The following LAMA5 variants were observed in gnomAD, a reference collection of about 807,000 sequenced individuals.
LAMA5 encodes the protein laminin subunit alpha-5.
A neutral mutation model predicts 433.4 loss-of-function variants in LAMA5; 260 were observed. That is an observed-to-expected ratio of 0.60 (90% CI 0.54 to 0.66). LAMA5 has a LOEUF of 0.66. Ranked by LOEUF, LAMA5 falls within the 30% of genes least tolerant of loss-of-function variation. LAMA5 has a pLI of 0.00. For synonymous variants in LAMA5, 2,620 were observed against 2,226.6 expected, an observed-to-expected ratio of 1.18 and a Z score of -4.97; for missense variants, 5,378 against 5,258.5, an observed-to-expected ratio of 1.02 and a Z score of -0.70.
chr20:62,338,838 A>G (rs978103695), intron 11 of LAMA5, among the ~76,000 whole-genome samples: 4 of 152,208 alleles, frequency 2.6e-5, no homozygotes, highest in African/African-American at 7.2e-5. Flanking sequence ...AGAGTTCGAG[A>G]CCAGCCTGAC....
chr20:62,317,662 C>T lies in LAMA5; in HGVS notation c.7356G>A (p.Glu2452=). ...RLLHSLDQAK[E]ELERLAASLD... ...GACAGGGGCCAGGGGCTGCACTCAC[C>T]TCCTTAGCCTGGTCCAGGCTGTGCA... Residue 2452 remains glutamate (E), a splice_region_variant and synonymous_variant, in exon 54 of 80, where the codon GAG becomes GAA. Transcript: ENST00000252999. 1 of 1,573,110 alleles carries T rather than the reference C, an allele frequency of 6.4e-7. No homozygotes were observed. The highest frequency in any genetic ancestry group is 8.6e-7 in the Non-Finnish European group (1 of 1,160,398).
At position 62,346,724 on chromosome 20, in the gene LAMA5, C is replaced by G. The variant is rs1983435394; in HGVS notation, c.1149G>C (p.Leu383=). 6.2e-7 allele frequency: 1 copy of G among 1,613,220 alleles called. No individual in the cohort carries two copies. Residue 383 remains leucine (L), a synonymous_variant, in exon 8 of 80, where the codon CTG becomes CTC. Coordinates refer to ENST00000252999, the MANE Select transcript of LAMA5 (RefSeq NM_005560.6). The part of the protein sequence containing the change: ...EVDRRRASQS[L]DGTYQGGGVC... ...CACCCCCACCCTGATAGGTGCCATC[C>G]AGGCTCTGGCTGGCGCGGCGCCGGT...
At position 62,338,284 on chromosome 20, in the gene LAMA5, C is replaced by G. The variant is rs142650915; in HGVS notation, c.1704G>C (p.Gly568=). ...CGGGGGCACAGCGATCACATGTGGCCCCCTCGAAGCCCACTCGGCACCTGC... is the reference window on the plus strand; with the variant it reads ...CGGGGGCACAGCGATCACATGTGGCGCCCTCGAAGCCCACTCGGCACCTGC... ...GQCRCRVGFE[G]ATCDRCAPGY... is the part of the protein sequence containing the mutation. The change falls in exon 13 of 80, where the codon GGG becomes GGC. Residue 568 remains glycine (G), a synonymous_variant. Coordinates refer to ENST00000252999, the MANE Select transcript of LAMA5 (RefSeq NM_005560.6). The G allele has an allele frequency of 8.7e-6, 14 of 1,602,240 alleles. No individual in the cohort carries two copies. Among genetic ancestry groups the G allele is most frequent in the Non-Finnish European group, 8.5e-6 (10 of 1,174,760 alleles).
intron 70 of LAMA5, 32 bp from the exon 71 acceptor site, chr20:62,311,816 T>TGGCCCCCCCCCCCCCC: frequency 2.0e-6 from 3 of 1,520,980 alleles, no homozygotes; most frequent in Non-Finnish European, 2.7e-6. Context: ...GCTCGGTTTT[T>TGGCCCCCCCCCCCCCC]CCCCACCCTG....
chr20:62,328,717 TG>T, intron 34 of LAMA5, 126 bp downstream of exon 34: 1 of 965,936 alleles, frequency 1.0e-6, no homozygotes, highest in Non-Finnish European at 1.5e-6. Flanking sequence ...GGCCCGCAGA[TG>T]GGGCAGCAAT....
chr20:62,329,651 C>A, intron 32 of LAMA5, 126 bp downstream of exon 32: 1 of 1,252,490 alleles, frequency 8.0e-7, no homozygotes, highest in East Asian at 2.5e-5. Context: ...GCAGGAGCTG[C>A]TTTGCTGGGC....
At chr20:62,337,046 G>A (rs879172453) in intron 16 of LAMA5, 11 of 659,160 alleles carry the variant, frequency 1.7e-5, no homozygotes, top group South Asian at 6.0e-5. Flanking sequence ...CATTCCACAC[G>A]CAGTGTGTGA....
Position 62,359,936 on chromosome 20 carries a change from GC to G in LAMA5, c.450+2463del, listed in dbSNP as rs1348868207. Among the ~76,000 whole-genome samples the G allele has an allele frequency of 1.3e-5, 2 of 150,496 alleles. No homozygotes were observed. The highest frequency in any genetic ancestry group is 3.0e-5 in the Non-Finnish European group (2 of 67,596). On this transcript the variant is annotated intron_variant, in intron 2 of 79. Transcript: ENST00000252999. This position sits in a 1 kb window ranked among gnomAD's most constrained non-coding sequence, Gnocchi z 4.3. The stretch of plus-strand genomic sequence containing the variant: ...GCCTTCCCGATGCCCAGTGCCAGCC[GC>G]CCCCACCCCCGTCCCAGGGCATCCG...
chr20:62,311,990 C>T lies in LAMA5; in HGVS notation c.9565G>A (p.Glu3189Lys), dbSNP rs750305016. The T allele has an allele frequency of 3.2e-5, 52 of 1,612,752 alleles. No homozygotes were observed. In the African/African-American group the frequency reaches 6.3e-4, roughly 19 times the overall value. ...GCGAAGCCCGCTTGAGTTTTCACTT[C>T]AGTCCTCAGGAGCTGTAGGCTCACA... ...GRVSLQLLRTEVKTQAGFADG... is the reference protein window; with the variant it reads ...GRVSLQLLRTKVKTQAGFADG... Residue 3189 changes from glutamate to lysine, a missense_variant, in exon 70 of 80, where the codon GAA becomes AAA. By Grantham distance (56) the Glu-to-Lys change is moderately conservative (BLOSUM62 1). Coordinates refer to ENST00000252999, the MANE Select transcript of LAMA5 (RefSeq NM_005560.6).
chr20:62,312,763 C>T lies in LAMA5; in HGVS notation c.9096G>A (p.Leu3032=). The part of the protein sequence containing the change: ...SASKAIQVFL[L]GGSRKRVLVR... ...CCAGCACACGCTTGCGGCTGCCCCC[C>T]AGCAGGAACACCTGGATCTACAGGA... Residue 3032 remains leucine, a synonymous_variant, in exon 67 of 80, where the codon CTG becomes CTA. Transcript: ENST00000252999. 1.9e-6 allele frequency: 3 copies of T among 1,589,880 alleles called. No homozygotes were observed. The highest frequency in any genetic ancestry group is 2.6e-6 in the Non-Finnish European group (3 of 1,170,496).
intron 48 of LAMA5, among the ~76,000 whole-genome samples, chr20:62,321,655 G>A (rs1350653717): frequency 2.7e-5 from 3 of 112,402 alleles, no homozygotes; most frequent in Non-Finnish European, 3.7e-5. Flanking sequence ...TGGAAGAGGT[G>A]GGGCCAATGG....
At chr20:62,319,363 C>T (rs1440630127) in intron 51 of LAMA5, among the ~76,000 whole-genome samples, 1 of 151,908 alleles carries the variant, frequency 6.6e-6, no homozygotes, top group African/African-American at 2.4e-5. Context: ...TCCTGTTAGG[C>T]AGGCTCAGGG....
chr20:62,362,565 C>G lies in LAMA5; in HGVS notation c.298-13G>C. On this transcript the variant is annotated splice_polypyrimidine_tract_variant and intron_variant, in intron 1 of 79. Coordinates refer to ENST00000252999, the MANE Select transcript of LAMA5 (RefSeq NM_005560.6). ...CACAGTACTGGCCCTGCAGAGGGAA[C>G]GGGAGGGTCAGATAGCCGAGAAGGG... 3 of 1,520,398 alleles carry G rather than the reference C, an allele frequency of 2.0e-6. No homozygotes were observed. Among genetic ancestry groups the G allele is most frequent in the Non-Finnish European group, 2.7e-6 (3 of 1,129,030 alleles). The allele number at this position is 1,520,398 out of a possible 1,614,324, so 94.2% of individuals were successfully genotyped here.
intron 57 of LAMA5, 45 bp downstream of exon 57, chr20:62,316,626 G>T (rs1435395835): frequency 2.8e-6 from 4 of 1,424,776 alleles, no homozygotes; most frequent in Non-Finnish European, 3.8e-6. Flanking sequence ...TGGGAGCTCA[G>T]ATGCCCAGCA....
At chr20:62,322,620 G>GCCCCC in intron 46 of LAMA5, 38 bp downstream of exon 46, 3 of 1,399,004 alleles carry the variant, frequency 2.1e-6, no homozygotes, top group Non-Finnish European at 2.9e-6. Flanking sequence ...TAGTCCCTAG[G>GCCCCC]CCCCACCCAC....
intron 58 of LAMA5, among the ~76,000 whole-genome samples, 185 bp downstream of exon 58, chr20:62,315,763 G>A (rs750087373): frequency 2.0e-5 from 3 of 152,188 alleles, no homozygotes; most frequent in African/African-American, 7.2e-5. Context: ...CGACGGCTGG[G>A]GCTGTCTGTG....
chr20:62,327,838 G>A (rs1979586984), intron 36 of LAMA5, 28 bp downstream of exon 36: 2 of 1,590,974 alleles, frequency 1.3e-6, no homozygotes, highest in East Asian at 2.2e-5. Context: ...GGAGGGAGAG[G>A]CCAGATCTGG....
At chr20:62,336,887 A>G (rs1221235436) in intron 16 of LAMA5, 101 bp from the exon 17 acceptor site, 4 of 1,197,172 alleles carry the variant, frequency 3.3e-6, no homozygotes, top group Non-Finnish European at 3.6e-6. Context: ...ACAGGAGCTG[A>G]GGACCAGCAC....
intron 62 of LAMA5, 116 bp downstream of exon 62, chr20:62,314,188 T>C: frequency 7.9e-7 from 1 of 1,267,482 alleles, no homozygotes; most frequent in South Asian, 1.5e-5. Context: ...AGGCGAGGGG[T>C]GGCGAGTGGG....
Sources: allele counts gnomAD v4.1 joint callset (sites outside exome capture counted in the v4.1 genomes callset), GRCh38; gene constraint gnomAD v4.1.1; non-coding constraint Gnocchi (gnomAD v3.1); transcripts MANE v1.5; gene names NCBI Gene and HGNC (gene_info 2026-07-23, HGNC 2026-07-21).